The following TACC2 variants were observed in gnomAD, a reference collection of about 807,000 sequenced individuals.
TACC2 encodes transforming acidic coiled-coil-containing protein 2.
In TACC2, 137 loss-of-function variants were observed where a neutral mutation model predicts 227.3. The observed-to-expected ratio is 0.60, with a 90% CI of 0.52 to 0.69. The LOEUF (loss-of-function observed/expected upper bound fraction) is 0.69. TACC2 is among the 30% of genes least tolerant of loss of function. TACC2 has a pLI of 0.00. For missense variants in TACC2, 3,470 were observed against 3,694.4 expected (o/e 0.94, Z 1.57); for synonymous variants, 1,523 against 1,487.5 (o/e 1.02, Z -0.55).
chr10:122,135,589 T>G (rs567338492), intron 6 of TACC2, among the ~76,000 whole-genome samples: 2 of 152,328 alleles, frequency 1.3e-5, no homozygotes, highest in African/African-American at 2.4e-5. Context: ...GGAAAAGAGA[T>G]AGTTCTGTTA....
At chr10:122,221,361 C>G (rs554102611) in intron 11 of TACC2, among the ~76,000 whole-genome samples, 1 of 152,156 alleles carries the variant, frequency 6.6e-6, no homozygotes, top group African/African-American at 2.4e-5. Flanking sequence ...CAGCTGAGTC[C>G]TCTCCTGGCT....
Position 121,997,570 on chromosome 10 carries a change from A to T in TACC2, c.-46+8082A>T, listed in dbSNP as rs10887036. 2.0e-5 allele frequency among the ~76,000 whole-genome samples: 3 copies of T among 152,074 alleles called. No homozygotes were observed. The East Asian group carries it at 5.8e-4, about 29-fold the overall frequency. On this transcript the variant is annotated intron_variant, in intron 1 of 22. Transcript: ENST00000369005. ...ACCACTCAGACAGGAGGGAGATGGGACATGTTGGGAGGGGTGAGGAATGAG... is the reference window on the plus strand; with the variant it reads ...ACCACTCAGACAGGAGGGAGATGGGTCATGTTGGGAGGGGTGAGGAATGAG...
At chr10:122,204,507 C>T (rs2095036351) in intron 8 of TACC2, among the ~76,000 whole-genome samples, 1 of 152,146 alleles carries the variant, frequency 6.6e-6, no homozygotes, top group South Asian at 2.1e-4. Context: ...CTCTGGCTGA[C>T]ACCAGAGAAG....
At chr10:122,091,078 T>C (rs1411563718) in intron 5 of TACC2, among the ~76,000 whole-genome samples, 1 of 152,152 alleles carries the variant, frequency 6.6e-6, no homozygotes, top group Admixed American at 6.5e-5. Context: ...CATGACTGAT[T>C]ATGGTTTTAA....
intron 1 of TACC2, among the ~76,000 whole-genome samples, chr10:122,008,873 G>A (rs776509306): frequency 1.9e-4 from 29 of 152,264 alleles, no homozygotes; most frequent in African/African-American, 4.1e-4. Context: ...ATGCCCAGCC[G>A]TACATATCCC....
chr10:122,100,213 G>A (rs140113257), intron 5 of TACC2, among the ~76,000 whole-genome samples: 5,876 of 151,162 alleles, frequency 0.039, 212 homozygotes, highest in African/African-American at 0.091. Context: ...GCAGTGAGCC[G>A]AGATCGTGCC....
chr10:122,194,115 G>A lies in TACC2; in HGVS notation c.5835-925G>A, dbSNP rs1256295357. ...TATTTTTATCTTTTTATAGAAATAG[G>A]GCCTCACTGTGTTGCCCAGGCTGGT... On this transcript the variant is annotated intron_variant, in intron 7 of 22. Transcript: ENST00000369005. The surrounding 1 kb of genome is among the most constrained non-coding windows in gnomAD (Gnocchi z 4.4). Among the ~76,000 whole-genome samples, 1 of 152,028 alleles carries A rather than the reference G, an allele frequency of 6.6e-6. No homozygotes were observed. Among genetic ancestry groups the A allele is most frequent in the Non-Finnish European group, 1.5e-5 (1 of 68,004 alleles).
chr10:122,225,644 C>T (rs1327911618), intron 12 of TACC2, among the ~76,000 whole-genome samples: 1 of 152,178 alleles, frequency 6.6e-6, no homozygotes, highest in Non-Finnish European at 1.5e-5. Flanking sequence ...GGGGAACTGT[C>T]GTGTGTTTTG....
intron 7 of TACC2, among the ~76,000 whole-genome samples, chr10:122,190,021 T>G (rs2094352863): frequency 6.6e-6 from 1 of 152,244 alleles, no homozygotes; most frequent in Admixed American, 6.5e-5. Context: ...CCAGTAAAAC[T>G]TGAGCAAATG....
chr10:122,017,677 CGTG>C (rs1565078004), intron 1 of TACC2, among the ~76,000 whole-genome samples: 1 of 151,712 alleles, frequency 6.6e-6, no homozygotes, highest in East Asian at 1.9e-4. Flanking sequence ...GTTAGTCTGG[CGTG>C]GTGGTGGGTG....
rs1591805162 is a variant in TACC2, at chr10:122,083,033, A to G, written c.533A>G (p.Gln178Arg). The change falls in exon 4 of 23, where the codon CAG (glutamine) becomes CGG (arginine). Residue 178 changes from glutamine to arginine, a missense_variant. Physicochemically the swap from Gln to Arg is conservative, Grantham distance 43. Coordinates refer to ENST00000369005, the MANE Select transcript of TACC2 (RefSeq NM_206862.4). ...GTCCCCAGTGCTGGAAGAGAGAGAC[A>G]GCCGAAGGAAGAAGGACAGAAGTCC... ...AAVPSAGRER[Q>R]PKEEGQKSSF... 1 of 1,612,532 alleles carries G rather than the reference A, an allele frequency of 6.2e-7. No homozygotes were observed.
chr10:122,152,597 C>A (rs970482415), intron 7 of TACC2, among the ~76,000 whole-genome samples: 3 of 152,214 alleles, frequency 2.0e-5, no homozygotes, highest in Non-Finnish European at 4.4e-5. Flanking sequence ...TGACATGATT[C>A]CCTGGTGCAT....
intron 1 of TACC2, among the ~76,000 whole-genome samples, chr10:122,007,855 C>T (rs1181798452): frequency 6.6e-6 from 1 of 152,104 alleles, no homozygotes; most frequent in Non-Finnish European, 1.5e-5. Flanking sequence ...TTAATCCACT[C>T]ATGAATTAAT....
intron 7 of TACC2, among the ~76,000 whole-genome samples, chr10:122,169,527 A>G (rs1044272501): frequency 6.6e-5 from 10 of 152,274 alleles, no homozygotes; most frequent in African/African-American, 2.4e-4. Context: ...ATGTAAATCC[A>G]TGTTCCAGTA....
At chr10:122,008,322 C>T (rs190483202) in intron 1 of TACC2, among the ~76,000 whole-genome samples, 14 of 148,074 alleles carry the variant, frequency 9.5e-5, no homozygotes, top group Non-Finnish European at 1.8e-4. Context: ...TGCAGTGGTG[C>T]GATCTTGGCT....
chr10:122,172,139 A>G (rs1317709539), intron 7 of TACC2, among the ~76,000 whole-genome samples: 1 of 152,196 alleles, frequency 6.6e-6, no homozygotes, highest in Non-Finnish European at 1.5e-5. Flanking sequence ...GTGGAGCCCT[A>G]GAGATGAGCT....
chr10:122,158,294 G>C (rs4752663), intron 7 of TACC2, among the ~76,000 whole-genome samples: 152,008 of 152,100 alleles, frequency 1, 75,958 homozygotes, highest in Non-Finnish European at 1. Flanking sequence ...GAGGCTGAGG[G>C]AGGAGAATTG....
At chr10:122,250,731 C>T (rs2096238050) in intron 22 of TACC2, among the ~76,000 whole-genome samples, 1 of 152,104 alleles carries the variant, frequency 6.6e-6, no homozygotes, top group African/African-American at 2.4e-5. Context: ...GCAAGCCTCG[C>T]ACCCCACCTC....
rs192753030 is a variant in TACC2, at chr10:122,194,705, G to A, written c.5835-335G>A. Among the ~76,000 whole-genome samples the A allele has an allele frequency of 4.8e-4, 73 of 152,272 alleles. No homozygotes were observed. In the East Asian group the frequency reaches 0.013, roughly 27 times the overall value. ...CACAATGGCATCGAACATGCAGAAT[G>A]CCTCTCTCTCTCTATTTGAATCAAT... On this transcript the variant is annotated intron_variant, in intron 7 of 22. Coordinates refer to ENST00000369005, the MANE Select transcript of TACC2 (RefSeq NM_206862.4). The surrounding 1 kb of genome is among the most constrained non-coding windows in gnomAD (Gnocchi z 4.4).
Sources: allele counts gnomAD v4.1 joint callset (sites outside exome capture counted in the v4.1 genomes callset), GRCh38; gene constraint gnomAD v4.1.1; non-coding constraint Gnocchi (gnomAD v3.1); transcripts MANE v1.5; gene names NCBI Gene and HGNC (gene_info 2026-07-23, HGNC 2026-07-21).